Variants in NF1 observed in about 807,000 individuals in gnomAD.
NF1 encodes neurofibromin 1.
NF1 carries 122 observed loss-of-function variants against 325.7 expected under a neutral mutation model. The ratio of observed to expected loss-of-function variants is 0.37; its 90% CI spans 0.32 to 0.44. The LOEUF is 0.44. NF1 is among the 20% of genes least tolerant of loss of function. The pLI is 1.00. For missense variants in NF1, 2,140 were observed against 3,415.4 expected (o/e 0.63, Z 9.31); for synonymous variants, 1,091 against 1,186.0 (o/e 0.92, Z 1.65).
chr17:31,145,729 G>A (rs1166039537), intron 1 of NF1, among the ~76,000 whole-genome samples: 2 of 152,022 alleles, frequency 1.3e-5, no homozygotes, highest in African/African-American at 4.8e-5. Context: ...TAAAGGTGGA[G>A]GCCAAAATAT....
At chr17:31,119,018 T>C (rs1203841398) in intron 1 of NF1, among the ~76,000 whole-genome samples, 3 of 151,902 alleles carry the variant, frequency 2.0e-5, no homozygotes, top group Non-Finnish European at 2.9e-5. Flanking sequence ...CTTGGCTCAC[T>C]GCAACCTCCG....
intron 5 of NF1, among the ~76,000 whole-genome samples, chr17:31,176,624 G>A (rs1033569851): frequency 2.0e-5 from 3 of 151,994 alleles, no homozygotes; most frequent in Non-Finnish European, 2.9e-5. Flanking sequence ...TTCTTTCTAG[G>A]GTTTTTATGG....
chr17:31,108,855 T>G (rs1913136818), intron 1 of NF1, among the ~76,000 whole-genome samples: 1 of 152,194 alleles, frequency 6.6e-6, no homozygotes, highest in African/African-American at 2.4e-5. Flanking sequence ...CCTGAATTCC[T>G]AATATGTTGA....
chr17:31,258,837 A>G (rs954519503), intron 32 of NF1, among the ~76,000 whole-genome samples, 195 bp from the exon 33 acceptor site: 2 of 152,288 alleles, frequency 1.3e-5, no homozygotes, highest in South Asian at 2.1e-4. Flanking sequence ...GTATTTTTAC[A>G]TGTAAATATA....
chr17:31,147,485 T>C (rs943938556), intron 1 of NF1, among the ~76,000 whole-genome samples: 4 of 152,226 alleles, frequency 2.6e-5, no homozygotes, highest in African/African-American at 9.6e-5. Context: ...TTGGGAATTA[T>C]AAAACATGCT....
chr17:31,221,952 A>C (rs1334460958), intron 15 of NF1, 23 bp downstream of exon 15: 2 of 1,570,028 alleles, frequency 1.3e-6, no homozygotes, highest in Admixed American at 3.6e-5. Context: ...TTATTTTTTA[A>C]ATTCAACTTT....
intron 1 of NF1, among the ~76,000 whole-genome samples, chr17:31,124,515 AG>A (rs1914697296): frequency 7.1e-6 from 1 of 140,856 alleles, no homozygotes. Flanking sequence ...ATTTGTTTTC[AG>A]GGTTTTTTTT....
intron 8 of NF1, among the ~76,000 whole-genome samples, chr17:31,188,786 A>AT (rs2066286458): frequency 6.6e-6 from 1 of 152,126 alleles, no homozygotes; most frequent in Admixed American, 6.5e-5. Context: ...AAAAAGAGAG[A>AT]TGGGCCTAGC....
intron 50 of NF1, 91 bp downstream of exon 50, chr17:31,350,409 G>A (rs2151574836): frequency 8.9e-7 from 1 of 1,124,852 alleles, no homozygotes; most frequent in Non-Finnish European, 1.3e-6. Flanking sequence ...AATCTAGAAG[G>A]TAACATGGGA....
intron 12 of NF1, among the ~76,000 whole-genome samples, chr17:31,208,919 C>G (rs772079129): frequency 6.6e-6 from 1 of 151,962 alleles, no homozygotes; most frequent in African/African-American, 2.4e-5. Context: ...AAAAAACTCA[C>G]TACAGGTGGC....
At chr17:31,153,031 G>A (rs1917057393) in intron 1 of NF1, among the ~76,000 whole-genome samples, 1 of 151,640 alleles carries the variant, frequency 6.6e-6, no homozygotes, top group Admixed American at 6.6e-5. Flanking sequence ...AAAAAAAATG[G>A]TCTCATTCTT....
chr17:31,370,685 A>T (rs1011450782), intron 57 of NF1, among the ~76,000 whole-genome samples: 1 of 152,272 alleles, frequency 6.6e-6, no homozygotes, highest in East Asian at 1.9e-4. Context: ...ATTGCCACCC[A>T]TGTCATGACT....
rs1757298995 is a variant in NF1, at chr17:31,201,437, T to A, written c.1212T>A (p.Ser404=). The change falls in exon 11 of 58, where the codon TCT becomes TCA. Residue 404 remains serine (S), a synonymous_variant. Coordinates refer to ENST00000358273, the MANE Select transcript of NF1 (RefSeq NM_001042492.3). ...TCTGCCTGGCTCAGAATTCACCTTC[T>A]ACATTTCACTATGTGCTGGTAAATT... ...FKICLAQNSP[S]TFHYVLVNSL... 6.2e-7 allele frequency: 1 copy of A among 1,612,714 alleles called. No homozygotes were observed. The highest frequency in any genetic ancestry group is 1.7e-5 in the Admixed American group (1 of 59,972).
chr17:31,129,948 G>C (rs369773999), intron 1 of NF1, among the ~76,000 whole-genome samples: 1 of 152,054 alleles, frequency 6.6e-6, no homozygotes, highest in Admixed American at 6.6e-5. Context: ...AACCCTTGCC[G>C]GAGAGCTAGT....
intron 40 of NF1, among the ~76,000 whole-genome samples, chr17:31,335,682 A>G (rs1436211505): frequency 6.6e-6 from 1 of 150,728 alleles, no homozygotes; most frequent in Non-Finnish European, 1.5e-5. Context: ...CATTTCCTAT[A>G]TTTTATTTTT....
At chr17:31,207,114 A>C (rs2066638581) in intron 12 of NF1, among the ~76,000 whole-genome samples, 1 of 152,056 alleles carries the variant, frequency 6.6e-6, no homozygotes, top group Non-Finnish European at 1.5e-5. Context: ...TCTGCTTCTT[A>C]TTTTCTATTA....
intron 55 of NF1, 89 bp from the exon 56 acceptor site, chr17:31,358,880 A>G: frequency 8.3e-7 from 1 of 1,210,694 alleles, no homozygotes; most frequent in Non-Finnish European, 1.2e-6. Context: ...CATAGGGTTT[A>G]TATATCATCA....
At position 31,200,343 on chromosome 17, in the gene NF1, T is replaced by A. The variant is rs1044916631; in HGVS notation, c.889-79T>A. ...TTATAGTATGAGTTTTAGAGGCTGT[T>A]AATTTGCTATAATATTAGCTACATC... On this transcript the variant is annotated intron_variant, in intron 8 of 57. Coordinates refer to ENST00000358273, the MANE Select transcript of NF1 (RefSeq NM_001042492.3). The A allele has an allele frequency of 5.1e-6, 7 of 1,362,740 alleles. No individual in the cohort carries two copies. In the African/African-American group the frequency reaches 1.0e-4, roughly 20 times the overall value. 84.4% of individuals were successfully genotyped at this position (1,362,740 alleles called of 1,614,324 possible).
intron 39 of NF1, among the ~76,000 whole-genome samples, chr17:31,332,773 C>G (rs1178144203): frequency 3.6e-5 from 2 of 56,162 alleles, no homozygotes; most frequent in Admixed American, 3.2e-4. Flanking sequence ...ATTCCCCTTC[C>G]TGTGTCCATG....
Sources: gnomAD v4.1 joint callset for allele counts (sites outside exome capture counted in the v4.1 genomes callset) on GRCh38, gnomAD v4.1.1 for gene constraint, MANE v1.5 for transcripts, NCBI Gene and HGNC (gene_info 2026-07-23, HGNC 2026-07-21) for gene names.